FHL3: variants seen among roughly 807,000 people sequenced by gnomAD.
FHL3 encodes the protein four and a half LIM domains 3.
Under a neutral mutation model 34.3 loss-of-function variants are expected in FHL3, and 21 were observed. The ratio of observed to expected loss-of-function variants is 0.61; its 90% confidence interval spans 0.43 to 0.88. The LOEUF is 0.88. Ranked by LOEUF, FHL3 falls within the 40% of genes least tolerant of loss-of-function variation. The pLI is 0.00. For missense variants in FHL3, 333 were observed against 373.7 expected, an observed-to-expected ratio of 0.89 and a Z score of 0.90; for synonymous variants, 137 against 144.6, an observed-to-expected ratio of 0.95 and a Z score of 0.38.
At chr1:37,999,870 A>G (rs1646576049) in intron 1 of FHL3, among the ~76,000 whole-genome samples, 1 of 152,220 alleles carries the variant, frequency 6.6e-6, no homozygotes, top group Non-Finnish European at 1.5e-5. Flanking sequence ...GACTTTAGGA[A>G]TATGGATAAA....
chr1:38,000,378 G>A (rs961466475), intron 1 of FHL3, among the ~76,000 whole-genome samples: 1 of 152,158 alleles, frequency 6.6e-6, no homozygotes, highest in Admixed American at 6.5e-5. Context: ...TCCATCCCCT[G>A]GGGTCATGAT....
rs189055160 is a variant in FHL3, at chr1:38,000,422, T to C, written c.-20-990A>G. On this transcript the variant is annotated intron_variant, in intron 1 of 5. Coordinates refer to ENST00000373016, the MANE Select transcript of FHL3 (RefSeq NM_004468.5). Reference sequence around the variant, plus strand: ...TACTGCCTCTGGGAGAGAAGGTCTCTCCCACCTTTTCCGATTTCTCAGGGT... The same window carrying C: ...TACTGCCTCTGGGAGAGAAGGTCTCCCCCACCTTTTCCGATTTCTCAGGGT... Among the ~76,000 whole-genome samples, 665 of 152,168 alleles carry C rather than the reference T, an allele frequency of 4.4e-3. 4 individuals carry two copies. Among genetic ancestry groups the C allele is most frequent in the African/African-American group, 0.015 (631 of 41,512 alleles).
chr1:37,996,780 C>A lies in FHL3; in HGVS notation c.*625G>T, dbSNP rs570855684. 2 of 153,802 alleles carry A rather than the reference C, an allele frequency of 1.3e-5. No individual in the cohort carries two copies. The highest frequency in any genetic ancestry group is 6.6e-5 in the Admixed American group (1 of 15,252). 9.5% of individuals were successfully genotyped at this position (153,802 alleles called of 1,614,324 possible). A position where few individuals can be genotyped will look rare whatever the true frequency, so the allele number is the denominator to read the frequency against. On this transcript the variant is annotated 3_prime_UTR_variant, in exon 6 of 6. Transcript: ENST00000373016. Reference sequence around the variant, plus strand: ...CACGGAGGCCCCTGCTTCCTCACACCGCTTTATTGCAGAATCTGGAAGGGG... The same window carrying A: ...CACGGAGGCCCCTGCTTCCTCACACAGCTTTATTGCAGAATCTGGAAGGGG...
At chr1:38,004,285 T>C (rs1053477211) in intron 1 of FHL3, among the ~76,000 whole-genome samples, 2 of 151,900 alleles carry the variant, frequency 1.3e-5, no homozygotes, top group African/African-American at 4.8e-5. Flanking sequence ...AAAAATAAGT[T>C]GGGGCTGTCT....
chr1:38,001,271 C>T (rs372950901), intron 1 of FHL3, among the ~76,000 whole-genome samples: 1 of 152,236 alleles, frequency 6.6e-6, no homozygotes, highest in Non-Finnish European at 1.5e-5. Context: ...TTCCTCTGGC[C>T]CAACATCTGA....
intron 1 of FHL3, among the ~76,000 whole-genome samples, chr1:38,000,461 G>C (rs1646582595): frequency 6.6e-6 from 1 of 152,128 alleles, no homozygotes; most frequent in Non-Finnish European, 1.5e-5. Flanking sequence ...GGACTAGGGA[G>C]CTGAAAGGAG....
chr1:38,001,432 TGAGA>T (rs772954027), intron 1 of FHL3, among the ~76,000 whole-genome samples: 1 of 152,180 alleles, frequency 6.6e-6, no homozygotes, highest in Admixed American at 6.5e-5. Context: ...GTCCACCCCC[TGAGA>T]GACAGTCAGC....
At chr1:38,005,246 A>C (rs1646632519) in intron 1 of FHL3, 111 bp downstream of exon 1, 3 of 151,444 alleles carry the variant, frequency 2.0e-5, no homozygotes. Context: ...CGGCGGGTAC[A>C]GGGGACCGGG....
Position 37,999,449 on chromosome 1 carries a change from G to A in FHL3, c.-20-17C>T, listed in dbSNP as rs771556216. On this transcript the variant is annotated splice_polypyrimidine_tract_variant and intron_variant, in intron 1 of 5. Transcript: ENST00000373016. ...GAGAGAACCCTGTTAGGAGCACAAG[G>A]TGGAACTGGGGTCACACAGAGAGGC... 3.7e-6 allele frequency: 6 copies of A among 1,610,650 alleles called. No homozygotes were observed. The highest frequency in any genetic ancestry group is 4.5e-5 in the East Asian group (2 of 44,856).
Position 37,998,272 on chromosome 1 carries a change from C to T in FHL3, c.332-140G>A, listed in dbSNP as rs72923731. On this transcript the variant is annotated intron_variant, in intron 3 of 5. Coordinates refer to ENST00000373016, the MANE Select transcript of FHL3 (RefSeq NM_004468.5). ...TGCACATGCAGCAAGAACCCCCCCG[C>T]CCTATGTATATTACACATGCTAACC... The T allele has an allele frequency of 4.2e-3, 2,882 of 693,492 alleles. 77 individuals carry two copies. In the African/African-American group the frequency reaches 0.046, roughly 11 times the overall value. The allele number at this position is 693,492 out of a possible 1,614,324, so 43.0% of individuals were successfully genotyped here.
At chr1:38,000,850 T>A (rs1386305576) in intron 1 of FHL3, among the ~76,000 whole-genome samples, 1 of 152,046 alleles carries the variant, frequency 6.6e-6, no homozygotes, top group East Asian at 1.9e-4. Context: ...GAAGGAGATG[T>A]TCTCACAGCT....
chr1:38,004,426 C>T (rs1005120158), intron 1 of FHL3, among the ~76,000 whole-genome samples: 6 of 152,040 alleles, frequency 3.9e-5, no homozygotes, highest in Admixed American at 2.6e-4. Context: ...GGTTCAGGCC[C>T]GGGTAAGTCA....
At position 37,998,143 on chromosome 1, in the gene FHL3, C is replaced by G. The variant is rs762929463; in HGVS notation, c.332-11G>C. On this transcript the variant is annotated splice_polypyrimidine_tract_variant and intron_variant, in intron 3 of 5. Transcript: ENST00000373016. ...CCAGCTTCCGGGACCCTGTGGGGAA[C>G]AGGGGTCCCATTTAGAGGTTGTGTC... 13 of 1,613,154 alleles carry G rather than the reference C, an allele frequency of 8.1e-6. No homozygotes were observed. Among genetic ancestry groups the G allele is most frequent in the South Asian group, 1.1e-5 (1 of 91,022 alleles).
At chr1:38,002,301 T>C (rs768224977) in intron 1 of FHL3, among the ~76,000 whole-genome samples, 24 of 152,006 alleles carry the variant, frequency 1.6e-4, no homozygotes, top group African/African-American at 5.1e-4. Flanking sequence ...GGTTTCACTG[T>C]GTTAGTCAGG....
chr1:37,999,650 A>C (rs1038554878), intron 1 of FHL3, among the ~76,000 whole-genome samples: 3 of 152,198 alleles, frequency 2.0e-5, no homozygotes, highest in Non-Finnish European at 4.4e-5. Flanking sequence ...CAGGAAAAAA[A>C]CCAGGAAGCA....
Position 38,004,887 on chromosome 1 carries a change from T to G in FHL3, c.-21+470A>C, listed in dbSNP as rs371569978. 9.4e-4 allele frequency among the ~76,000 whole-genome samples: 143 copies of G among 152,094 alleles called. No individual in the cohort carries two copies. In the South Asian group the frequency reaches 0.014, roughly 15 times the overall value. On this transcript the variant is annotated intron_variant, in intron 1 of 5. Transcript: ENST00000373016. ...GTCCCACGTATGCTTTTTCTGAAAA[T>G]GCTCCACAAAGCCTAGGACGGCCCC...
intron 1 of FHL3, among the ~76,000 whole-genome samples, chr1:38,001,024 C>T (rs978447428): frequency 6.6e-5 from 10 of 152,328 alleles, no homozygotes; most frequent in East Asian, 5.8e-4. Context: ...TGACAACAAG[C>T]GCTGCTCTGG....
At chr1:38,004,714 C>T (rs773895419) in intron 1 of FHL3, among the ~76,000 whole-genome samples, 5 of 152,150 alleles carry the variant, frequency 3.3e-5, no homozygotes, top group Non-Finnish European at 5.9e-5. Flanking sequence ...TCTCTTTCGC[C>T]ACCTCTGCAC....
Position 37,997,530 on chromosome 1 carries a change from C to G in FHL3, c.718G>C (p.Glu240Gln), listed in dbSNP as rs772164466. ...GLGGGKYVSF[E>Q]DRHWHHNCFS... ...CAGTTGTGGTGCCAGTGTCGGTCTT[C>G]AAAGGACACATACTTGCCTCCACCG... The change falls in exon 6 of 6, where the codon GAA becomes CAA. Residue 240 changes from glutamate to glutamine, a missense_variant. Physicochemically the swap from Glu to Gln is conservative, Grantham distance 29. Coordinates refer to ENST00000373016, the MANE Select transcript of FHL3 (RefSeq NM_004468.5). This position sits in a 1 kb window ranked among gnomAD's most constrained non-coding sequence, Gnocchi z 4.3. 6.2e-7 allele frequency: 1 copy of G among 1,613,824 alleles called. No individual in the cohort carries two copies. Among genetic ancestry groups the G allele is most frequent in the Admixed American group, 1.7e-5 (1 of 59,986 alleles).
Sources: allele counts gnomAD v4.1 joint callset (sites outside exome capture counted in the v4.1 genomes callset), GRCh38; gene constraint gnomAD v4.1.1; non-coding constraint Gnocchi (gnomAD v3.1); transcripts MANE v1.5; gene names NCBI Gene and HGNC (gene_info 2026-07-23, HGNC 2026-07-21).